Variants in RBM39 observed in about 807,000 individuals in gnomAD.
The protein encoded by RBM39 is RNA-binding protein 39.
Under a neutral mutation model 79.6 loss-of-function variants are expected in RBM39, and 12 were observed. That is an observed-to-expected ratio of 0.15 (90% CI 0.10 to 0.24). The LOEUF is 0.24. RBM39 is among the 10% of genes least tolerant of loss of function. The pLI is 1.00. For synonymous variants in RBM39, 185 were observed against 208.4 expected (o/e 0.89, Z 0.97); for missense variants, 243 against 653.4 (o/e 0.37, Z 6.85).
intron 11 of RBM39, chr20:35,713,315 C>T: frequency 2.4e-6 from 1 of 415,498 alleles, no homozygotes; most frequent in Non-Finnish European, 4.3e-6. Flanking sequence ...TTGTGAAACT[C>T]TCTTTTTTTT....
At chr20:35,723,866 C>A (rs1186192497) in intron 8 of RBM39, among the ~76,000 whole-genome samples, 1 of 152,074 alleles carries the variant, frequency 6.6e-6, no homozygotes, top group Non-Finnish European at 1.5e-5. Context: ...CATGGCAAGA[C>A]CCTGTTTCTT....
chr20:35,725,804 C>T (rs909404880), intron 6 of RBM39, among the ~76,000 whole-genome samples: 2 of 151,864 alleles, frequency 1.3e-5, no homozygotes, highest in African/African-American at 4.8e-5. Context: ...GCTGGGACTA[C>T]AGGCGCCTGC....
chr20:35,737,848 CAAAAAAAA>C (rs35300439), intron 3 of RBM39, among the ~76,000 whole-genome samples: 5,752 of 40,498 alleles, frequency 0.14, 165 homozygotes, highest in African/African-American at 0.22. Context: ...GACTCCGTGT[CAAAAAAAA>C]AAAAAAAAAA....
intron 11 of RBM39, chr20:35,713,644 ACAACCAAC>A (rs1359251346): frequency 1.4e-5 from 2 of 146,178 alleles, no homozygotes; most frequent in Admixed American, 1.4e-4. Context: ...TCTCTTAAAA[ACAACCAAC>A]CAACCAACCA....
At position 35,702,699 on chromosome 20, in the gene RBM39, G is replaced by T; in HGVS notation, c.*1782C>A. 1 of 152,322 alleles carries T rather than the reference G, an allele frequency of 6.6e-6. No homozygotes were observed. The allele number at this position is 152,322 out of a possible 1,614,324, so 9.4% of individuals were successfully genotyped here. ...GCCTGTAATCCCGGCACTTTGGGAG[G>T]CCAAGGCGGACAGATCACTTGAGGT... On this transcript the variant is annotated 3_prime_UTR_variant, in exon 17 of 17. Transcript: ENST00000253363.
Position 35,714,413 on chromosome 20 carries a change from C to G in RBM39, c.892-24G>C. 2.5e-6 allele frequency: 4 copies of G among 1,603,636 alleles called. No homozygotes were observed. The South Asian group carries it at 4.5e-5, about 18-fold the overall frequency. The stretch of plus-strand genomic sequence containing the variant: ...AACTACATGATAGGGGAGGCAAGGA[C>G]AGGAGACAGTGCTTTAATTTTTAAA... On this transcript the variant is annotated intron_variant, in intron 10 of 16. Transcript: ENST00000253363.
At chr20:35,716,574 A>C (rs945734608) in intron 10 of RBM39, among the ~76,000 whole-genome samples, 166 bp downstream of exon 10, 1 of 152,070 alleles carries the variant, frequency 6.6e-6, no homozygotes, top group Non-Finnish European at 1.5e-5. Context: ...TGTGAAAAAA[A>C]CTTTTTTGAT....
At chr20:35,741,132 T>A (rs1393129732) in intron 1 of RBM39, among the ~76,000 whole-genome samples, 2 of 139,250 alleles carry the variant, frequency 1.4e-5, no homozygotes, top group Non-Finnish European at 3.0e-5. Flanking sequence ...CCTCCCAGGT[T>A]CCAGCGATCC....
chr20:35,704,969 A>G lies in RBM39; in HGVS notation c.1414-223T>C, dbSNP rs1411300919. ...TTCTCTACGATTTGTATGCAGCCTA[A>G]GAATGAATCAAGATGCCAAGATTTC... is the stretch of plus-strand genomic sequence containing the variant. On this transcript the variant is annotated intron_variant, in intron 15 of 16. Transcript: ENST00000253363. 18 of 591,222 alleles carry G rather than the reference A, an allele frequency of 3.0e-5. No individual in the cohort carries two copies. In the East Asian group the frequency reaches 4.8e-4, roughly 16 times the overall value. 36.6% of individuals were successfully genotyped at this position (591,222 alleles called of 1,614,324 possible).
At chr20:35,729,196 A>G (rs1170162893) in intron 6 of RBM39, 116 bp downstream of exon 6, 2 of 900,042 alleles carry the variant, frequency 2.2e-6, no homozygotes, top group Non-Finnish European at 3.2e-6. Context: ...TGGAAGTGCA[A>G]AAGAAAGCAA....
chr20:35,705,010 C>CCTCTAGAA, intron 15 of RBM39: 1 of 587,992 alleles, frequency 1.7e-6, no homozygotes, highest in Non-Finnish European at 3.0e-6. Flanking sequence ...AAGCTTTGAG[C>CCTCTAGAA]ATTACTAGAA....
intron 9 of RBM39, among the ~76,000 whole-genome samples, chr20:35,718,405 G>A (rs1349999098): frequency 1.3e-5 from 2 of 152,180 alleles, no homozygotes; most frequent in East Asian, 3.9e-4. Flanking sequence ...TAAACATTTA[G>A]GCTGGGCTCG....
intron 12 of RBM39, chr20:35,710,688 C>G (rs543628719): frequency 4.6e-5 from 7 of 152,282 alleles, no homozygotes; most frequent in Non-Finnish European, 1.0e-4. Flanking sequence ...ACACAGTAAA[C>G]ACTCAACAAT....
intron 9 of RBM39, among the ~76,000 whole-genome samples, chr20:35,721,231 G>A (rs748454193): frequency 1.3e-5 from 2 of 151,942 alleles, no homozygotes; most frequent in South Asian, 2.1e-4. Context: ...CACCGCACCC[G>A]GCCAACAGAA....
intron 6 of RBM39, among the ~76,000 whole-genome samples, chr20:35,726,578 T>C (rs948316780): frequency 5.3e-5 from 8 of 152,254 alleles, no homozygotes; most frequent in African/African-American, 1.2e-4. Context: ...AACCATGTAA[T>C]TGTAAAGTCA....
intron 2 of RBM39, 128 bp downstream of exon 2, chr20:35,740,696 C>A: frequency 7.7e-7 from 1 of 1,290,758 alleles, no homozygotes. Context: ...TTGTAAGTTA[C>A]ACGTAATGCA....
Position 35,727,648 on chromosome 20 carries a change from G to GTT in RBM39, c.416+1663_416+1664insAA, listed in dbSNP as rs773616534. On this transcript the variant is annotated intron_variant, in intron 6 of 16. Transcript: ENST00000253363. ...ACACCACCATGCCCAGCTAATTTTT[G>GTT]TATTTTTTTTTTTTTTTTGAGACAG... 7.4e-3 allele frequency among the ~76,000 whole-genome samples: 1,000 copies of GTT among 134,522 alleles called. 21 individuals are homozygous for GTT. Among genetic ancestry groups the GTT allele is most frequent in the African/African-American group, 0.027 (937 of 35,134 alleles). The allele number at this position is 134,522 out of a possible 152,430, so 88.3% of individuals were successfully genotyped here.
chr20:35,710,381 C>T (rs1257224967), intron 12 of RBM39: 1 of 151,978 alleles, frequency 6.6e-6, no homozygotes, highest in Non-Finnish European at 1.5e-5. Context: ...TGAACAGTGT[C>T]AATAAACTTT....
chr20:35,733,435 C>T (rs1443028280), intron 3 of RBM39, among the ~76,000 whole-genome samples: 2 of 151,904 alleles, frequency 1.3e-5, no homozygotes, highest in Admixed American at 1.3e-4. Flanking sequence ...CGGTGAAAAC[C>T]CATCTCTACT....
Sources: allele counts gnomAD v4.1 joint callset (sites outside exome capture counted in the v4.1 genomes callset), GRCh38; gene constraint gnomAD v4.1.1; transcripts MANE v1.5; gene names NCBI Gene and HGNC (gene_info 2026-07-23, HGNC 2026-07-21).